AGK: variants seen among roughly 807,000 people sequenced by gnomAD.
AGK encodes the protein acylglycerol kinase.
In AGK, 52 loss-of-function variants were observed where a neutral mutation model predicts 66.4. That is an observed-to-expected ratio of 0.78 (90% confidence interval 0.63 to 0.99). The LOEUF is 0.99. Among genes scored for constraint, AGK ranks in the 50% least tolerant of loss-of-function variants. AGK has a pLI of 0.00. For missense variants in AGK, 451 were observed against 506.6 expected (o/e 0.89, Z 1.05); for synonymous variants, 182 against 181.1 (o/e 1.00, Z -0.04).
intron 2 of AGK, among the ~76,000 whole-genome samples, chr7:141,573,898 C>T (rs1450903810): frequency 6.6e-6 from 1 of 152,104 alleles, no homozygotes; most frequent in Non-Finnish European, 1.5e-5. Context: ...CATATGTATA[C>T]ATGTGCCATG....
chr7:141,651,703 A>G lies in AGK; in HGVS notation c.1131+94A>G, dbSNP rs989519705. On this transcript the variant is annotated intron_variant, in intron 15 of 15. Transcript: ENST00000649286. Reference sequence around the variant, plus strand: ...TCCCATCCTTCCTCTCTGTTAGCTGACCTAGACTTAGGCACATATTGTGTG... The same window carrying G: ...TCCCATCCTTCCTCTCTGTTAGCTGGCCTAGACTTAGGCACATATTGTGTG... 1.1e-5 allele frequency: 13 copies of G among 1,183,396 alleles called. No homozygotes were observed. The Admixed American group carries it at 2.1e-4, about 19-fold the overall frequency. 73.3% of individuals were successfully genotyped at this position (1,183,396 alleles called of 1,614,324 possible). A position where few individuals can be genotyped will look rare whatever the true frequency, so the allele number is the denominator to read the frequency against.
chr7:141,587,321 C>T (rs1326333780), intron 2 of AGK, among the ~76,000 whole-genome samples: 2 of 152,224 alleles, frequency 1.3e-5, no homozygotes, highest in Non-Finnish European at 2.9e-5. Context: ...TGAAGTTTCA[C>T]TAGATTCAGT....
chr7:141,633,142 T>G (rs375291661), intron 9 of AGK, among the ~76,000 whole-genome samples: 1 of 152,110 alleles, frequency 6.6e-6, no homozygotes, highest in African/African-American at 2.4e-5. Context: ...GTAGCTCTCT[T>G]TAGAGTGTGG....
chr7:141,569,031 A>G (rs1053622499), intron 2 of AGK, among the ~76,000 whole-genome samples: 4 of 152,228 alleles, frequency 2.6e-5, no homozygotes, highest in African/African-American at 9.6e-5. Flanking sequence ...CTTGTGTTTA[A>G]GGGTTTTAAT....
intron 1 of AGK, among the ~76,000 whole-genome samples, chr7:141,553,270 C>T (rs1018808418): frequency 6.6e-6 from 1 of 152,200 alleles, no homozygotes; most frequent in Non-Finnish European, 1.5e-5. Context: ...AAGGCTCTAT[C>T]TCCTAATACC....
intron 1 of AGK, among the ~76,000 whole-genome samples, chr7:141,552,282 C>A (rs909912661): frequency 2.6e-5 from 4 of 152,202 alleles, no homozygotes; most frequent in Admixed American, 6.5e-5. Context: ...TATCACTCAC[C>A]TGCTTAAAGC....
At position 141,641,912 on chromosome 7, in the gene AGK, AGT is replaced by A; in HGVS notation, c.975+8_975+9del. On this transcript the variant is annotated splice_donor_5th_base_variant and intron_variant, in intron 13 of 15. Transcript: ENST00000649286. ...GAATAATCAGCTTGACCCGACAGTA[AGT>A]GTGCTTTTTTATTAGAAAAGCATTT... 6.4e-7 allele frequency: 1 copy of A among 1,570,976 alleles called. No individual in the cohort carries two copies. The highest frequency in any genetic ancestry group is 8.6e-7 in the Non-Finnish European group (1 of 1,156,532).
chr7:141,610,190 A>G (rs993561941), intron 5 of AGK, among the ~76,000 whole-genome samples: 1 of 151,886 alleles, frequency 6.6e-6, no homozygotes, highest in Non-Finnish European at 1.5e-5. Context: ...GCTGGTCTTG[A>G]TCTCCTGACC....
intron 12 of AGK, 71 bp from the exon 13 acceptor site, chr7:141,641,740 A>C: frequency 7.9e-7 from 1 of 1,265,380 alleles, no homozygotes; most frequent in Non-Finnish European, 1.1e-6. Flanking sequence ...AGCAGCTAGC[A>C]GCTAGCCGTC....
At chr7:141,557,676 C>T (rs1795241367) in intron 2 of AGK, among the ~76,000 whole-genome samples, 1 of 152,208 alleles carries the variant, frequency 6.6e-6, no homozygotes, top group Admixed American at 6.5e-5. Context: ...TCTGAAACAG[C>T]TTGAGCCAGA....
At position 141,577,116 on chromosome 7, in the gene AGK, G is replaced by T. The variant is rs184949223; in HGVS notation, c.102-16030G>T. Among the ~76,000 whole-genome samples the T allele has an allele frequency of 8.5e-4, 129 of 152,234 alleles. 1 individual carries two copies. The highest frequency in any genetic ancestry group is 3.0e-3 in the African/African-American group (126 of 41,558). On this transcript the variant is annotated intron_variant, in intron 2 of 15. Coordinates refer to ENST00000649286, the MANE Select transcript of AGK (RefSeq NM_018238.4). ...ACTATCTAAGTGGACTCCCTCCTCA[G>T]CCAGGGCACTCTAAAATTTAACCTG... is the stretch of plus-strand genomic sequence containing the variant.
Position 141,619,349 on chromosome 7 carries a change from A to T in AGK, c.519-2383A>T, listed in dbSNP as rs562308990. The stretch of plus-strand genomic sequence containing the variant: ...TGGTGCTGGCAAAACAAGAGACATA[A>T]ATCAGTAGAAGAAAGAGTCCAGAAT... On this transcript the variant is annotated intron_variant, in intron 8 of 15. Transcript: ENST00000649286. Among the ~76,000 whole-genome samples, 94 of 152,296 alleles carry T rather than the reference A, an allele frequency of 6.2e-4. 1 individual carries two copies. The South Asian group carries it at 0.019, about 31-fold the overall frequency.
chr7:141,613,232 T>A (rs1796633650), intron 6 of AGK, among the ~76,000 whole-genome samples: 1 of 152,148 alleles, frequency 6.6e-6, no homozygotes, highest in Non-Finnish European at 1.5e-5. Flanking sequence ...AAAGAAATTG[T>A]GTATTTGGTA....
At chr7:141,583,553 GT>G (rs1795929483) in intron 2 of AGK, among the ~76,000 whole-genome samples, 1 of 151,610 alleles carries the variant, frequency 6.6e-6, no homozygotes, top group Non-Finnish European at 1.5e-5. Flanking sequence ...GAGAGAAGGG[GT>G]GGGGGGTGCT....
rs182549450 is a variant in AGK at position 141,581,046 on chromosome 7, G to T, written c.102-12100G>T. On this transcript the variant is annotated intron_variant, in intron 2 of 15. Transcript: ENST00000649286. ...ACCATGGCCAGGAAGGAAAGGAGTT[G>T]TTTTGTAGAAGGGGTTGGGGTTTGA... 1.7e-3 allele frequency among the ~76,000 whole-genome samples: 258 copies of T among 152,094 alleles called. 1 individual carries two copies. Among genetic ancestry groups the T allele is most frequent in the Non-Finnish European group, 3.1e-3 (213 of 67,998 alleles).
At chr7:141,648,593 G>T (rs565129526) in intron 13 of AGK, among the ~76,000 whole-genome samples, 1 of 152,242 alleles carries the variant, frequency 6.6e-6, no homozygotes, top group South Asian at 2.1e-4. Flanking sequence ...AGAAGTTGTG[G>T]GATTGATTTA....
rs142477807 is a variant in AGK, at chr7:141,564,597, C to G, written c.101+9030C>G. 2.9e-4 allele frequency among the ~76,000 whole-genome samples: 44 copies of G among 152,278 alleles called. No homozygotes were observed. In the East Asian group the frequency reaches 5.8e-3, roughly 20 times the overall value. On this transcript the variant is annotated intron_variant, in intron 2 of 15. Transcript: ENST00000649286. ...AGTTCAGGATGAGATTTGGTGGGGA[C>G]ACAGCCAAACCATATAAACCACTCA...
At chr7:141,604,401 T>TATATAC (rs1169111569) in intron 5 of AGK, among the ~76,000 whole-genome samples, 15 of 143,466 alleles carry the variant, frequency 1.0e-4, no homozygotes, top group African/African-American at 3.8e-4. Context: ...TATATATATA[T>TATATAC]ATACACATAC....
intron 8 of AGK, among the ~76,000 whole-genome samples, chr7:141,621,142 A>C (rs916070379): frequency 6.6e-6 from 1 of 152,178 alleles, no homozygotes; most frequent in African/African-American, 2.4e-5. Context: ...TCAATAGTAC[A>C]TGCCTTTTGA....
Sources: allele counts gnomAD v4.1 joint callset (sites outside exome capture counted in the v4.1 genomes callset), GRCh38; gene constraint gnomAD v4.1.1; transcripts MANE v1.5; gene names NCBI Gene and HGNC (gene_info 2026-07-23, HGNC 2026-07-21).